Variants in PARP4 observed in about 807,000 individuals in gnomAD.
PARP4 encodes the protein poly(ADP-ribose) polymerase family member 4, also known as protein mono-ADP-ribosyltransferase PARP4.
In PARP4, 120 loss-of-function variants were observed where a neutral mutation model predicts 187.7. The observed-to-expected ratio is 0.64, with a 90% CI of 0.55 to 0.74. PARP4 has a LOEUF of 0.74. PARP4 is among the 30% of genes least tolerant of loss of function. The pLI, the probability that PARP4 is intolerant of heterozygous loss-of-function variation, is 0.00. For synonymous variants in PARP4, 654 were observed against 740.9 expected (o/e 0.88, Z 1.90); for missense variants, 1,836 against 2,070.5 (o/e 0.89, Z 2.20).
At chr13:24,452,718 AT>A in intron 23 of PARP4, 125 bp from the exon 24 acceptor site, 3 of 694,424 alleles carry the variant, frequency 4.3e-6, no homozygotes, top group African/African-American at 1.8e-5. Flanking sequence ...TCTTTCCCTA[AT>A]TTGTGAAACA....
chr13:24,461,773 G>A (rs970083803), intron 17 of PARP4, among the ~76,000 whole-genome samples: 1 of 152,162 alleles, frequency 6.6e-6, no homozygotes, highest in Non-Finnish European at 1.5e-5. Flanking sequence ...GCTGCTGGGG[G>A]AAGGGCAGCA....
At chr13:24,423,530 C>CAAAAAAAAAA (rs113636449) in intron 33 of PARP4, among the ~76,000 whole-genome samples, 6 of 54,946 alleles carry the variant, frequency 1.1e-4, no homozygotes, top group African/African-American at 5.9e-4. Context: ...GATCTGGCCT[C>CAAAAAAAAAA]AAAAAATAAA....
intron 1 of PARP4, 98 bp from the exon 2 acceptor site, chr13:24,503,875 T>A (rs536017594): frequency 9.7e-7 from 1 of 1,034,682 alleles, no homozygotes; most frequent in Non-Finnish European, 1.5e-6. Flanking sequence ...TTGGGCATTA[T>A]CTTAAGAAAG....
At position 24,492,377 on chromosome 13, in the gene PARP4, A is replaced by T. The variant is rs200579911; in HGVS notation, c.1053+44T>A. On this transcript the variant is annotated intron_variant, in intron 9 of 33. Coordinates refer to ENST00000381989, the MANE Select transcript of PARP4 (RefSeq NM_006437.4). Reference sequence around the variant, plus strand: ...CAGATTTCTAAAGACCCCCACCCTCAACATATTTTATAATAAATAGAATTC... The same window carrying T: ...CAGATTTCTAAAGACCCCCACCCTCTACATATTTTATAATAAATAGAATTC... 6 of 1,433,086 alleles carry T rather than the reference A, an allele frequency of 4.2e-6. No individual in the cohort carries two copies. In the East Asian group the frequency reaches 1.4e-4, roughly 33 times the overall value. 88.8% of individuals were successfully genotyped at this position (1,433,086 alleles called of 1,614,324 possible).
Position 24,460,033 on chromosome 13 carries a change from A to G in PARP4, c.2237T>C (p.Phe746Ser). 2 of 1,614,082 alleles carry G rather than the reference A, an allele frequency of 1.2e-6. No individual in the cohort carries two copies. The highest frequency in any genetic ancestry group is 1.1e-5 in the South Asian group (1 of 91,070). Residue 746 changes from phenylalanine (F) to serine (S), a missense_variant, in exon 18 of 34, where the codon TTT becomes TCT. Around this residue, in one of 8 missense-constraint regions of PARP4, gnomAD observed 1,147 missense variants for 1,214.2 expected, o/e 0.94. Coordinates refer to ENST00000381989, the MANE Select transcript of PARP4 (RefSeq NM_006437.4). ...ELSILGTVGV[F>S]FMPATVAPWQ... is the part of the protein sequence containing the mutation. Reference sequence around the variant, plus strand: ...GGGTGCTACGGTGGCGGGCATGAAAAAGACACCAACAGTGCCCAGGATGCT... The same window carrying G: ...GGGTGCTACGGTGGCGGGCATGAAAGAGACACCAACAGTGCCCAGGATGCT...
chr13:24,506,955 G>A (rs1026403670), intron 1 of PARP4, among the ~76,000 whole-genome samples: 26 of 152,228 alleles, frequency 1.7e-4, no homozygotes, highest in Non-Finnish European at 3.1e-4. Flanking sequence ...CTGCCCCGCG[G>A]GGAGGCAGCT....
chr13:24,490,244 C>T (rs1393170199), intron 10 of PARP4, among the ~76,000 whole-genome samples: 3 of 150,276 alleles, frequency 2.0e-5, no homozygotes, highest in Non-Finnish European at 3.0e-5. Flanking sequence ...TGAATGAGGG[C>T]CCAAGTGTAA....
At position 24,475,469 on chromosome 13, in the gene PARP4, T is replaced by C. The variant is rs760201327; in HGVS notation, c.1914+3A>G. ...AAGTGTCATAAAGCCACAGACAACA[T>C]ACCTGGGCTACAGTGTCTATGATTC... On this transcript the variant is annotated splice_donor_region_variant and intron_variant, in intron 15 of 33. Transcript: ENST00000381989. 2.5e-6 allele frequency: 4 copies of C among 1,613,188 alleles called. No homozygotes were observed. Among genetic ancestry groups the C allele is most frequent in the Non-Finnish European group, 3.4e-6 (4 of 1,179,244 alleles).
At chr13:24,421,875 A>G (rs1869765881) in intron 33 of PARP4, among the ~76,000 whole-genome samples, 2 of 152,254 alleles carry the variant, frequency 1.3e-5, no homozygotes, top group African/African-American at 4.8e-5. Context: ...TGAATATTCA[A>G]GTCTATTCAA....
chr13:24,447,882 AT>A (rs1871289188), intron 25 of PARP4, among the ~76,000 whole-genome samples: 1 of 152,172 alleles, frequency 6.6e-6, no homozygotes, highest in African/African-American at 2.4e-5. Flanking sequence ...GTGAGATCCC[AT>A]TTCACACCCA....
chr13:24,455,229 G>A lies in PARP4; in HGVS notation c.2563-17C>T, dbSNP rs73460728. The A allele has an allele frequency of 0.031, 48,243 of 1,544,456 alleles. 2,002 individuals carry two copies. Among genetic ancestry groups the A allele is most frequent in the African/African-American group, 0.21 (15,154 of 73,730 alleles). On this transcript the variant is annotated splice_polypyrimidine_tract_variant and intron_variant, in intron 21 of 33. Coordinates refer to ENST00000381989, the MANE Select transcript of PARP4 (RefSeq NM_006437.4). ...CATGCAAGCCTGAAAGGAGAAAGAA[G>A]GTGCTGGACTGGAGCTTCTTGTCAC...
At chr13:24,446,190 T>TA (rs1871198915) in intron 27 of PARP4, among the ~76,000 whole-genome samples, 1 of 152,202 alleles carries the variant, frequency 6.6e-6, no homozygotes, top group Admixed American at 6.5e-5. Flanking sequence ...AGAACCTCTC[T>TA]AGCAAAATTT....
Position 24,493,602 on chromosome 13 carries a change from G to C in PARP4, c.873C>G (p.Leu291=), listed in dbSNP as rs112813023. 7.5e-6 allele frequency: 12 copies of C among 1,598,694 alleles called. No individual in the cohort carries two copies. The South Asian group carries it at 7.9e-5, about 11-fold the overall frequency. ...MLLKPVNRIS[L]NDVSKAEGIL... ...CAGCGACACACCAACTTACATCGTT[G>C]AGGCTAATCCTGTTCACTGGCTTGA... Residue 291 remains leucine, a synonymous_variant, in exon 8 of 34, where the codon CTC becomes CTG. Coordinates refer to ENST00000381989, the MANE Select transcript of PARP4 (RefSeq NM_006437.4).
chr13:24,437,468 A>G (rs1182051258), intron 30 of PARP4, among the ~76,000 whole-genome samples: 1 of 152,164 alleles, frequency 6.6e-6, no homozygotes, highest in Admixed American at 6.5e-5. Flanking sequence ...TTCACAACTC[A>G]TATCACAAAG....
Position 24,452,456 on chromosome 13 carries a change from C to T in PARP4, c.2964G>A (p.Gln988=), listed in dbSNP as rs757592916. 1.2e-6 allele frequency: 2 copies of T among 1,613,966 alleles called. No individual in the cohort carries two copies. Among genetic ancestry groups the T allele is most frequent in the Non-Finnish European group, 1.7e-6 (2 of 1,179,990 alleles). Residue 988 remains glutamine (Q), a synonymous_variant, in exon 24 of 34, where the codon CAG becomes CAA. Coordinates refer to ENST00000381989, the MANE Select transcript of PARP4 (RefSeq NM_006437.4). ...GHLQDESLTL[Q]LVKRSRPHTR... ...TGTGCGGGCGGCTCCTCTTCACGAG[C>T]TGTAATGTCAGGCTCTCATCCTGGA...
At chr13:24,458,783 T>A (rs1207287971) in intron 20 of PARP4, among the ~76,000 whole-genome samples, 1 of 152,096 alleles carries the variant, frequency 6.6e-6, no homozygotes, top group Non-Finnish European at 1.5e-5. Context: ...AAAAGATAAT[T>A]TCTGAAACAG....
chr13:24,448,838 A>G (rs899143704), intron 25 of PARP4, among the ~76,000 whole-genome samples: 3 of 152,238 alleles, frequency 2.0e-5, no homozygotes, highest in African/African-American at 7.2e-5. Flanking sequence ...GACATTAAAA[A>G]CATCATGCTA....
intron 17 of PARP4, among the ~76,000 whole-genome samples, chr13:24,465,369 C>A (rs538839941): frequency 1.2e-4 from 18 of 152,212 alleles, no homozygotes; most frequent in Admixed American, 1.1e-3. Context: ...TTCACAATAG[C>A]AAAGACATGG....
At chr13:24,493,972 C>T (rs1868805858) in intron 7 of PARP4, among the ~76,000 whole-genome samples, 1 of 152,048 alleles carries the variant, frequency 6.6e-6, no homozygotes, top group African/African-American at 2.4e-5. Flanking sequence ...TTCCTTCACC[C>T]TGTAAGCTCT....
Sources: allele counts gnomAD v4.1 joint callset (sites outside exome capture counted in the v4.1 genomes callset), GRCh38; gene constraint gnomAD v4.1.1; regional missense constraint gnomAD v4.1.1; transcripts MANE v1.5; gene names NCBI Gene and HGNC (gene_info 2026-07-23, HGNC 2026-07-21).